The following GSR variants were observed in gnomAD, a reference collection of about 807,000 sequenced individuals.
GSR encodes glutathione-disulfide reductase.
A neutral mutation model predicts 56.5 loss-of-function variants in GSR; 48 were observed. The observed-to-expected ratio is 0.85, with a 90% CI of 0.67 to 1.08. The LOEUF (loss-of-function observed/expected upper bound fraction) is 1.08, where lower values mean the gene tolerates loss of function less well. Ranked by LOEUF, GSR falls within the 50% of genes least tolerant of loss-of-function variation. GSR has a pLI of 0.00. For synonymous variants in GSR, 264 were observed against 270.8 expected (o/e 0.97, Z 0.25); for missense variants, 694 against 703.3 (o/e 0.99, Z 0.15).
chr8:30,702,982 C>T, intron 5 of GSR, 111 bp downstream of exon 5: 3 of 1,142,290 alleles, frequency 2.6e-6, no homozygotes, highest in Non-Finnish European at 4.0e-6. Context: ...CTCCCATGGC[C>T]TGGCTCCAAA....
chr8:30,724,514 A>C (rs186460197), intron 1 of GSR, among the ~76,000 whole-genome samples: 1 of 148,622 alleles, frequency 6.7e-6, no homozygotes. Context: ...TGAGGTTCCG[A>C]ATGTCAAAGA....
At chr8:30,710,267 G>C (rs1804083103) in intron 2 of GSR, among the ~76,000 whole-genome samples, 1 of 152,004 alleles carries the variant, frequency 6.6e-6, no homozygotes. Context: ...AGTGAGCCAA[G>C]ATCACACTGC....
At chr8:30,700,052 G>A (rs1461467216) in intron 6 of GSR, 29 bp downstream of exon 6, 5 of 1,549,544 alleles carry the variant, frequency 3.2e-6, no homozygotes, top group African/African-American at 2.7e-5. Context: ...GGAAGAATGA[G>A]TCACTGAGGT....
At chr8:30,716,224 C>A (rs1447799864) in intron 1 of GSR, among the ~76,000 whole-genome samples, 1 of 152,192 alleles carries the variant, frequency 6.6e-6, no homozygotes, top group East Asian at 1.9e-4. Flanking sequence ...ACTCAAGGGG[C>A]AGCAGCAGAA....
At chr8:30,712,501 G>A (rs137936316) in intron 1 of GSR, among the ~76,000 whole-genome samples, 3,219 of 152,142 alleles carry the variant, frequency 0.021, 51 homozygotes, top group Non-Finnish European at 0.032. Flanking sequence ...GGCAACAAGC[G>A]AGACCACGTC....
At chr8:30,718,190 T>C (rs1804403015) in intron 1 of GSR, among the ~76,000 whole-genome samples, 1 of 152,180 alleles carries the variant, frequency 6.6e-6, no homozygotes, top group African/African-American at 2.4e-5. Context: ...ACCCCACTGC[T>C]GGTCCGTGGA....
chr8:30,691,994 G>A (rs1469736579), intron 8 of GSR, among the ~76,000 whole-genome samples: 1 of 151,602 alleles, frequency 6.6e-6, no homozygotes. Context: ...CCAGCTACTT[G>A]GTGGGGGCAG....
chr8:30,679,671 T>C lies in GSR; in HGVS notation c.1420-2A>G, dbSNP rs1283569308. 2.5e-6 allele frequency: 4 copies of C among 1,609,960 alleles called. No individual in the cohort carries two copies. Among genetic ancestry groups the C allele is most frequent in the Non-Finnish European group, 3.4e-6 (4 of 1,177,060 alleles). ...TCCCTGCATATGGATCCCAACCACC[T>C]GGGAAAAGAAGAGAAACATTTTCTT... On this transcript the variant is annotated splice_acceptor_variant, in intron 12 of 12. Transcript: ENST00000221130. LOFTEE classifies it high-confidence loss of function.
rs578001854 is a variant in GSR at position 30,717,185 on chromosome 8, G to A, written c.307-5097C>T. ...CCAGGAGGTGGAGGTTGCCGTGAGCGGAGATCGTGCCATTGCACTCCAGCC... is the reference window on the plus strand; with the variant it reads ...CCAGGAGGTGGAGGTTGCCGTGAGCAGAGATCGTGCCATTGCACTCCAGCC... On this transcript the variant is annotated intron_variant, in intron 1 of 12. Transcript: ENST00000221130. Among the ~76,000 whole-genome samples, 3 of 151,986 alleles carry A rather than the reference G, an allele frequency of 2.0e-5. No individual in the cohort carries two copies. The South Asian group carries it at 6.2e-4, about 32-fold the overall frequency.
chr8:30,700,722 C>CAAAAAAAAAAAAAAAAAAAAAAA, intron 5 of GSR, among the ~76,000 whole-genome samples: 1 of 8,440 alleles, frequency 1.2e-4, no homozygotes, highest in Admixed American at 3.2e-3. Context: ...GATTTTGTCT[C>CAAAAAAAAAAAAAAAAAAAAAAA]CAAAAAAAAA....
chr8:30,714,805 T>C (rs1488338185), intron 1 of GSR, among the ~76,000 whole-genome samples: 2 of 152,162 alleles, frequency 1.3e-5, no homozygotes, highest in Non-Finnish European at 2.9e-5. Flanking sequence ...AGTGCTGAGA[T>C]TATAGGCATG....
chr8:30,689,461 CT>C (rs1803287612), intron 8 of GSR, 142 bp from the exon 9 acceptor site: 2 of 763,792 alleles, frequency 2.6e-6, no homozygotes, highest in South Asian at 3.0e-5. Flanking sequence ...TAGACATAAA[CT>C]TTTACCCAAA....
chr8:30,691,419 T>C (rs1218301638), intron 8 of GSR, among the ~76,000 whole-genome samples: 1 of 148,140 alleles, frequency 6.8e-6, no homozygotes, highest in Non-Finnish European at 1.5e-5. Flanking sequence ...AGTAGCTCAC[T>C]CCTGTAATCC....
rs755233258 is a variant in GSR, at chr8:30,712,056, T to G, written c.333+6A>C. 1.5e-6 allele frequency: 2 copies of G among 1,374,090 alleles called. No individual in the cohort carries two copies. The highest frequency in any genetic ancestry group is 1.7e-5 in the Admixed American group (1 of 57,774). 85.1% of individuals were successfully genotyped at this position (1,374,090 alleles called of 1,614,324 possible). ...TTGTAAAGGGAAAGAGAAATAAAAA[T>G]TCTACCTTTTTGGGTACACATCCAA... is the stretch of plus-strand genomic sequence containing the variant. On this transcript the variant is annotated splice_donor_region_variant and intron_variant, in intron 2 of 12. Transcript: ENST00000221130.
chr8:30,683,146 C>T (rs1315180446), intron 10 of GSR, among the ~76,000 whole-genome samples: 1 of 152,062 alleles, frequency 6.6e-6, no homozygotes, highest in Admixed American at 6.6e-5. Context: ...TTTTTTAATA[C>T]AGACAACATC....
intron 1 of GSR, among the ~76,000 whole-genome samples, chr8:30,717,330 C>T (rs1804367838): frequency 6.6e-6 from 1 of 152,198 alleles, no homozygotes; most frequent in African/African-American, 2.4e-5. Context: ...TGAAGCAGTC[C>T]TCTCACGTTA....
intron 11 of GSR, among the ~76,000 whole-genome samples, chr8:30,681,382 C>A (rs1310036497): frequency 1.3e-5 from 2 of 151,936 alleles, no homozygotes; most frequent in Non-Finnish European, 2.9e-5. Context: ...ATTAGCCAGG[C>A]ATGGTGGTGG....
chr8:30,709,745 T>C lies in GSR; in HGVS notation c.422+69A>G, dbSNP rs8190941. 82 of 878,578 alleles carry C rather than the reference T, an allele frequency of 9.3e-5. 3 individuals are homozygous for C. Among genetic ancestry groups the C allele is most frequent in the East Asian group, 5.8e-4 (24 of 41,418 alleles). The allele number at this position is 878,578 out of a possible 1,614,324, so 54.4% of individuals were successfully genotyped here. A position where few individuals can be genotyped will look rare whatever the true frequency, so the allele number is the denominator to read the frequency against. Reference sequence around the variant, plus strand: ...AATTCCTCCTCCATCCCTAAAAAAGTTTATGGCTCAGTTATAAAAGAAAAA... The same window carrying C: ...AATTCCTCCTCCATCCCTAAAAAAGCTTATGGCTCAGTTATAAAAGAAAAA... On this transcript the variant is annotated intron_variant, in intron 3 of 12. Coordinates refer to ENST00000221130, the MANE Select transcript of GSR (RefSeq NM_000637.5).
chr8:30,713,437 C>A (rs1396503976), intron 1 of GSR, among the ~76,000 whole-genome samples: 2 of 152,078 alleles, frequency 1.3e-5, no homozygotes, highest in African/African-American at 4.8e-5. Context: ...CAGCTCACTG[C>A]AACCTCTGCC....
Sources: gnomAD v4.1 joint callset for allele counts (sites outside exome capture counted in the v4.1 genomes callset) on GRCh38, gnomAD v4.1.1 for gene constraint, MANE v1.5 for transcripts, NCBI Gene and HGNC (gene_info 2026-07-23, HGNC 2026-07-21) for gene names.